UBN2: variants seen among roughly 807,000 people sequenced by gnomAD.
UBN2 encodes ubinuclein 2, also known as ubinuclein-2.
Under a neutral mutation model 120.2 loss-of-function variants are expected in UBN2, and 35 were observed. That is an observed-to-expected ratio of 0.29 (90% CI 0.22 to 0.39). The LOEUF (loss-of-function observed/expected upper bound fraction) is 0.39. Among genes scored for constraint, UBN2 ranks in the 10% least tolerant of loss-of-function variants. The pLI is 1.00. For missense variants in UBN2, 1,693 were observed against 1,663.2 expected, an observed-to-expected ratio of 1.02 and a Z score of -0.31; for synonymous variants, 661 against 648.7, an observed-to-expected ratio of 1.02 and a Z score of -0.29.
rs1796012565 is a variant in UBN2, at chr7:139,231,626, C to T, written c.142C>T (p.Arg48Trp). Residue 48 changes from arginine (R) to tryptophan (W), a missense_variant, in exon 1 of 18, where the codon CGG becomes TGG. Physicochemically the swap from Arg to Trp is moderately radical, Grantham distance 101. Around this residue, in one of 5 missense-constraint regions of UBN2, gnomAD observed 663 missense variants for 591.2 expected, o/e 1.12. Transcript: ENST00000473989. ...GCCGCAGCCGTACCGCGAGCCGGCC[C>T]GGGCGGAGCCGCCGGCCCCGCGGGA... ...LEPQPYREPARAEPPAPREPA... is the reference protein window; with the variant it reads ...LEPQPYREPAWAEPPAPREPA... 1.2e-5 allele frequency: 15 copies of T among 1,256,490 alleles called. No homozygotes were observed. Among genetic ancestry groups the T allele is most frequent in the Non-Finnish European group, 1.5e-5 (15 of 1,001,794 alleles). 77.8% of individuals were successfully genotyped at this position (1,256,490 alleles called of 1,614,324 possible).
intron 6 of UBN2, among the ~76,000 whole-genome samples, chr7:139,265,654 A>G (rs919069163): frequency 5.3e-5 from 8 of 152,132 alleles, no homozygotes; most frequent in African/African-American, 1.9e-4. Context: ...CATAAATGCA[A>G]TCACTTGTAT....
rs1797717911 is a variant in UBN2, at chr7:139,284,391, C to T, written c.3486C>T (p.Ser1162=). 1 of 1,614,186 alleles carries T rather than the reference C, an allele frequency of 6.2e-7. No homozygotes were observed. Among genetic ancestry groups the T allele is most frequent in the Non-Finnish European group, 8.5e-7 (1 of 1,180,042 alleles). Reference sequence around the variant, plus strand: ...CCACTGGAACTGTTGGGAAGAACAGCTTGAGTGGAATTGCAATGAATGTAC... The same window carrying T: ...CCACTGGAACTGTTGGGAAGAACAGTTTGAGTGGAATTGCAATGAATGTAC... The part of the protein sequence containing the change: ...SSSTGTVGKN[S]LSGIAMNVPA... The change falls in exon 15 of 18, where the codon AGC becomes AGT. Residue 1162 remains serine, a synonymous_variant. Coordinates refer to ENST00000473989, the MANE Select transcript of UBN2 (RefSeq NM_173569.4).
chr7:139,284,222 C>T lies in UBN2; in HGVS notation c.3317C>T (p.Thr1106Ile), dbSNP rs753549881. The stretch of plus-strand genomic sequence containing the variant: ...GTTGCCCAGGGTAGCCACTCCAGCA[C>T]TAACAGCCCAGTCCATAAACAGCCC... ...ALVAQGSHSS[T>I]NSPVHKQPSG... Residue 1106 changes from threonine to isoleucine, a missense_variant, in exon 15 of 18, where the codon ACT (threonine) becomes ATT (isoleucine). Thr to Ile is a moderately conservative substitution (Grantham distance 89). Around this residue, in one of 5 missense-constraint regions of UBN2, gnomAD observed 837 missense variants for 817.6 expected, o/e 1.02. Coordinates refer to ENST00000473989, the MANE Select transcript of UBN2 (RefSeq NM_173569.4). The T allele has an allele frequency of 2.5e-6, 4 of 1,614,174 alleles. No individual in the cohort carries two copies. Among genetic ancestry groups the T allele is most frequent in the Middle Eastern group, 1.6e-4 (1 of 6,062 alleles).
At chr7:139,284,669 G>T in intron 15 of UBN2, 95 bp downstream of exon 15, 1 of 1,127,476 alleles carries the variant, frequency 8.9e-7, no homozygotes, top group Non-Finnish European at 1.2e-6. Context: ...ATGATATGTG[G>T]ATTGTTCTCA....
intron 2 of UBN2, among the ~76,000 whole-genome samples, chr7:139,240,924 C>A (rs774882339): frequency 3.3e-5 from 5 of 152,198 alleles, no homozygotes; most frequent in African/African-American, 4.8e-5. Context: ...CAAGTTTTGA[C>A]ATTTCTACAA....
intron 13 of UBN2, among the ~76,000 whole-genome samples, chr7:139,280,494 T>C (rs1203164214): frequency 6.6e-6 from 1 of 152,076 alleles, no homozygotes. Context: ...CTTTGTCTCT[T>C]TGGTTTTTGT....
Position 139,282,013 on chromosome 7 carries a change from G to A in UBN2, c.2076G>A (p.Met692Ile), listed in dbSNP as rs752403848. 5.6e-6 allele frequency: 9 copies of A among 1,613,186 alleles called. No homozygotes were observed. The South Asian group carries it at 8.8e-5, about 16-fold the overall frequency. The change falls in exon 14 of 18, where the codon ATG becomes ATA. Residue 692 changes from methionine to isoleucine, a missense_variant. Coordinates refer to ENST00000473989, the MANE Select transcript of UBN2 (RefSeq NM_173569.4). ...CTTATGTAATACCTTAGGAGGTGAT[G>A]GTAAAGACCCTTCCTCTCCATTCTT... Reference protein sequence around the residue: ...PAPKPKVKEVMVKTLPLHSFP... With the variant: ...PAPKPKVKEVIVKTLPLHSFP...
chr7:139,231,595 G>T lies in UBN2; in HGVS notation c.111G>T (p.Arg37=). ...CCGAGTACCCCCGCGAGCCCCCCCG[G>T]CTGGAGCCGCAGCCGTACCGCGAGC... ...REPEYPREPP[R]LEPQPYREPA... is the part of the protein sequence containing the mutation. The change falls in exon 1 of 18, where the codon CGG becomes CGT. Residue 37 remains arginine (R), a synonymous_variant. Coordinates refer to ENST00000473989, the MANE Select transcript of UBN2 (RefSeq NM_173569.4). The T allele has an allele frequency of 7.2e-7, 1 of 1,388,052 alleles. No homozygotes were observed. The highest frequency in any genetic ancestry group is 9.4e-7 in the Non-Finnish European group (1 of 1,062,592). 86.0% of individuals were successfully genotyped at this position (1,388,052 alleles called of 1,614,324 possible).
At chr7:139,310,516 A>C (rs1397187688), downstream of UBN2, among the ~76,000 whole-genome samples, 1 of 152,126 alleles carries the variant, frequency 6.6e-6, no homozygotes, top group Non-Finnish European at 1.5e-5. Context: ...CATGCCTGTA[A>C]TCCCAGTACT....
At chr7:139,272,494 T>TTATGTATGTACGTTATG in intron 9 of UBN2, 54 bp downstream of exon 9, 1 of 1,104,840 alleles carries the variant, frequency 9.1e-7, no homozygotes. Context: ...TGTATGTACG[T>TTATGTATGTACGTTATG]TATGTATGTA....
At position 139,283,376 on chromosome 7, in the gene UBN2, C is replaced by T. The variant is rs188131337; in HGVS notation, c.2471C>T (p.Thr824Ile). Residue 824 changes from threonine (T) to isoleucine (I), a missense_variant, in exon 15 of 18, where the codon ACT becomes ATT. Around this residue, in one of 5 missense-constraint regions of UBN2, gnomAD observed 837 missense variants for 817.6 expected, o/e 1.02. Coordinates refer to ENST00000473989, the MANE Select transcript of UBN2 (RefSeq NM_173569.4). ...GCTACTCCCAAAAAACTAGATTCTA[C>T]TCAGACTACACATTCTTCAAGTCTT... is the stretch of plus-strand genomic sequence containing the variant. ...PLATPKKLDSTQTTHSSSLIA... is the reference protein window; with the variant it reads ...PLATPKKLDSIQTTHSSSLIA... 1.2e-3 allele frequency: 1,950 copies of T among 1,614,050 alleles called. 4 individuals are homozygous for T. Among genetic ancestry groups the T allele is most frequent in the Non-Finnish European group, 1.1e-3 (1,285 of 1,180,030 alleles).
In UBN2 at chr7:139,231,413, G is replaced by A. The variant is rs1357977564; in HGVS notation, c.-72G>A. On this transcript the variant is annotated 5_prime_UTR_variant, in exon 1 of 18. Coordinates refer to ENST00000473989, the MANE Select transcript of UBN2 (RefSeq NM_173569.4). ...AAAGCGACAGAGAGCAAGAGGAAGG[G>A]CGGGCAGGCACGCAGCGCGCCGTAG... 1 of 1,191,930 alleles carries A rather than the reference G, an allele frequency of 8.4e-7. No homozygotes were observed. 73.8% of individuals were successfully genotyped at this position (1,191,930 alleles called of 1,614,324 possible). A position where few individuals can be genotyped will look rare whatever the true frequency, so the allele number is the denominator to read the frequency against.
the UBN2 span, among the ~76,000 whole-genome samples, chr7:139,316,077 C>CAAAAAAAAAAAAAAAAA: frequency 4.2e-4 from 6 of 14,184 alleles, 1 homozygote; most frequent in Non-Finnish European, 8.9e-4. Context: ...GACTTCGTCT[C>CAAAAAAAAAAAAAAAAA]AAAAAAAAAA....
At chr7:139,232,857 AG>A (rs1796066764) in intron 1 of UBN2, among the ~76,000 whole-genome samples, 1 of 152,224 alleles carries the variant, frequency 6.6e-6, no homozygotes, top group Non-Finnish European at 1.5e-5. Context: ...GAGAAAGGAT[AG>A]GGGTTATGTT....
chr7:139,287,327 A>AT (rs1350647453), intron 15 of UBN2, among the ~76,000 whole-genome samples: 1 of 151,984 alleles, frequency 6.6e-6, no homozygotes, highest in Non-Finnish European at 1.5e-5. Flanking sequence ...AAAAGTCTTG[A>AT]TTTTATCAAT....
rs1421903507 is a variant in UBN2 at position 139,303,077 on chromosome 7, A to G, written c.*5241A>G. The G allele has an allele frequency of 3.3e-5, 5 of 152,228 alleles. No individual in the cohort carries two copies. The highest frequency in any genetic ancestry group is 7.3e-5 in the Non-Finnish European group (5 of 68,044). 9.4% of individuals were successfully genotyped at this position (152,228 alleles called of 1,614,324 possible). ...TTCTTCTGGAAAATGATTTTTGAAG[A>G]AATCATATAGCTGCATATCTATCTG... On this transcript the variant is annotated 3_prime_UTR_variant, in exon 18 of 18. Coordinates refer to ENST00000473989, the MANE Select transcript of UBN2 (RefSeq NM_173569.4).
In UBN2 at chr7:139,307,948, A is replaced by G. The variant is rs1486166696; in HGVS notation, c.*10112A>G. ...GAATTTTGGATATGTGAGAGGGCAT[A>G]AACATTCCTAAATATGGACCTGTGA... On this transcript the variant is annotated 3_prime_UTR_variant, in exon 18 of 18. Coordinates refer to ENST00000473989, the MANE Select transcript of UBN2 (RefSeq NM_173569.4). 1 of 152,090 alleles carries G rather than the reference A, an allele frequency of 6.6e-6. No individual in the cohort carries two copies. The highest frequency in any genetic ancestry group is 1.5e-5 in the Non-Finnish European group (1 of 68,034). The allele number at this position is 152,090 out of a possible 1,614,324, so 9.4% of individuals were successfully genotyped here.
At chr7:139,250,832 C>G (rs1160136216) in intron 2 of UBN2, among the ~76,000 whole-genome samples, 1 of 152,042 alleles carries the variant, frequency 6.6e-6, no homozygotes, top group African/African-American at 2.4e-5. Flanking sequence ...TTAGGCTGGA[C>G]CCAGTGGCTC....
chr7:139,237,328 G>A (rs545888199), intron 2 of UBN2, among the ~76,000 whole-genome samples: 3 of 152,182 alleles, frequency 2.0e-5, no homozygotes, highest in Admixed American at 6.5e-5. Flanking sequence ...ACAGGGTCTC[G>A]CTCTGGTGCC....
Sources: allele counts gnomAD v4.1 joint callset (sites outside exome capture counted in the v4.1 genomes callset), GRCh38; gene constraint gnomAD v4.1.1; regional missense constraint gnomAD v4.1.1; transcripts MANE v1.5; gene names NCBI Gene and HGNC (gene_info 2026-07-23, HGNC 2026-07-21).